Variants in ASTN2 observed in about 807,000 individuals in gnomAD.
ASTN2 encodes astrotactin-2.
A neutral mutation model predicts 139.8 loss-of-function variants in ASTN2; 54 were observed. The ratio of observed to expected loss-of-function variants is 0.39; its 90% confidence interval spans 0.31 to 0.48. The LOEUF (loss-of-function observed/expected upper bound fraction) is 0.48, where lower values mean the gene tolerates loss of function less well. ASTN2 is among the 20% of genes least tolerant of loss of function. The pLI is 0.95. For missense variants in ASTN2, 1,565 were observed against 1,725.1 expected (o/e 0.91, Z 1.64); for synonymous variants, 756 against 719.5 (o/e 1.05, Z -0.81).
At chr9:117,332,562 TCAAA>T (rs546995158) in intron 1 of ASTN2, among the ~76,000 whole-genome samples, 12 of 152,124 alleles carry the variant, frequency 7.9e-5, no homozygotes, top group South Asian at 2.1e-4. Context: ...AGACTCCATC[TCAAA>T]CAAACAAACA....
intron 6 of ASTN2, among the ~76,000 whole-genome samples, chr9:117,035,146 T>C (rs939301595): frequency 3.9e-5 from 6 of 152,128 alleles, no homozygotes; most frequent in Non-Finnish European, 8.8e-5. Flanking sequence ...TGGGGGTGAC[T>C]GAAAAAGGAT....
At chr9:116,843,071 C>T (rs575055112) in intron 11 of ASTN2, among the ~76,000 whole-genome samples, 1 of 152,296 alleles carries the variant, frequency 6.6e-6, no homozygotes, top group Non-Finnish European at 1.5e-5. Context: ...CCTTCAGAGC[C>T]AGCAATCCCA....
At chr9:117,390,072 A>C (rs1830503667) in intron 1 of ASTN2, among the ~76,000 whole-genome samples, 1 of 152,210 alleles carries the variant, frequency 6.6e-6, no homozygotes, top group Non-Finnish European at 1.5e-5. Flanking sequence ...CCACTGGGAG[A>C]GATTACAAAC....
At chr9:116,625,580 A>ACCACAACTTATTCCAT (rs6151137) in intron 17 of ASTN2, among the ~76,000 whole-genome samples, 1 of 151,664 alleles carries the variant, frequency 6.6e-6, no homozygotes, top group Non-Finnish European at 1.5e-5. Flanking sequence ...TTTCTAAAAC[A>ACCACAACTTATTCCAT]CCTCTTGCTT....
At chr9:116,951,512 A>G (rs920787431) in intron 10 of ASTN2, among the ~76,000 whole-genome samples, 10 of 152,132 alleles carry the variant, frequency 6.6e-5, no homozygotes, top group Non-Finnish European at 1.0e-4. Flanking sequence ...CTACAAAGAT[A>G]AAGGAGAGGG....
intron 2 of ASTN2, among the ~76,000 whole-genome samples, chr9:117,243,152 T>C (rs755432982): frequency 3.3e-5 from 5 of 152,216 alleles, no homozygotes; most frequent in Admixed American, 1.3e-4. Flanking sequence ...TCATGTGATA[T>C]GGACAAAGTT....
At chr9:117,056,764 C>A (rs553949578) in intron 5 of ASTN2, among the ~76,000 whole-genome samples, 2 of 152,218 alleles carry the variant, frequency 1.3e-5, no homozygotes, top group Non-Finnish European at 2.9e-5. Flanking sequence ...TACAATCAGA[C>A]AAATAAAGTT....
intron 5 of ASTN2, among the ~76,000 whole-genome samples, chr9:117,061,847 A>G (rs1006959302): frequency 6.6e-6 from 1 of 152,182 alleles, no homozygotes; most frequent in African/African-American, 2.4e-5. Context: ...GAGAGTTGGA[A>G]AAAAATCAAG....
chr9:117,082,686 C>T (rs1564417627), intron 5 of ASTN2, among the ~76,000 whole-genome samples: 1 of 152,164 alleles, frequency 6.6e-6, no homozygotes. Context: ...GCCTGTGGTT[C>T]CAGCTACTCG....
intron 10 of ASTN2, among the ~76,000 whole-genome samples, chr9:116,951,361 A>AAAT: frequency 6.6e-6 from 1 of 150,822 alleles, no homozygotes; most frequent in Non-Finnish European, 1.5e-5. Context: ...AAAAAAAAAA[A>AAAT]AAAAAAGATC....
intron 16 of ASTN2, among the ~76,000 whole-genome samples, chr9:116,704,321 T>C (rs1411181658): frequency 7.5e-6 from 1 of 133,408 alleles, no homozygotes; most frequent in Admixed American, 8.5e-5. Context: ...TTTGTTTACA[T>C]TAGAATAGTA....
At chr9:116,498,172 A>G (rs1042817902) in intron 19 of ASTN2, among the ~76,000 whole-genome samples, 6 of 152,236 alleles carry the variant, frequency 3.9e-5, no homozygotes, top group African/African-American at 9.6e-5. Context: ...ACTACCCAGC[A>G]AAGCTAGAAC....
At chr9:116,474,237 G>A (rs555258333) in intron 20 of ASTN2, among the ~76,000 whole-genome samples, 8 of 152,288 alleles carry the variant, frequency 5.3e-5, no homozygotes, top group South Asian at 2.1e-4. Context: ...AGGCTATAAC[G>A]GAGGTGAAGA....
At chr9:116,443,790 AGT>A (rs1847907660) in intron 20 of ASTN2, among the ~76,000 whole-genome samples, 1 of 152,150 alleles carries the variant, frequency 6.6e-6, no homozygotes, top group African/African-American at 2.4e-5. Flanking sequence ...TAGAGGCAGT[AGT>A]GTGAAGTGGG....
rs571673492 is a variant in ASTN2, at chr9:116,875,093, A to G, written c.1890-11360T>C. On this transcript the variant is annotated intron_variant, in intron 10 of 22. Coordinates refer to ENST00000313400, the MANE Select transcript of ASTN2 (RefSeq NM_001365068.1). The stretch of plus-strand genomic sequence containing the variant: ...TGCAAGGAAATGTCACACATCTCTC[A>G]CTTTAAATCATAAGCTAGAAATGAT... 5.3e-5 allele frequency among the ~76,000 whole-genome samples: 8 copies of G among 152,284 alleles called. No homozygotes were observed. In the East Asian group the frequency reaches 1.3e-3, roughly 26 times the overall value.
intron 17 of ASTN2, among the ~76,000 whole-genome samples, chr9:116,637,795 C>T (rs1449009428): frequency 6.6e-6 from 1 of 152,112 alleles, no homozygotes; most frequent in Non-Finnish European, 1.5e-5. Flanking sequence ...CAAAAATTAT[C>T]CAAGCATGGT....
At chr9:116,602,153 C>A (rs1156383918) in intron 19 of ASTN2, among the ~76,000 whole-genome samples, 1 of 152,084 alleles carries the variant, frequency 6.6e-6, no homozygotes, top group African/African-American at 2.4e-5. Flanking sequence ...ACATAGAGTT[C>A]ACAAATGTTC....
intron 19 of ASTN2, among the ~76,000 whole-genome samples, chr9:116,565,365 CTCTCTCTCTCTCTCTCTCTCTCCATA>C (rs1419066530): frequency 3.8e-5 from 1 of 26,160 alleles, no homozygotes; most frequent in African/African-American, 2.0e-4. Context: ...CTCTCTCTCT[CTCTCTCTCTCTCTCTCTCTCTCCATA>C]TATATATATA....
intron 19 of ASTN2, among the ~76,000 whole-genome samples, chr9:116,538,409 CT>C (rs1290115464): frequency 6.6e-6 from 1 of 152,098 alleles, no homozygotes; most frequent in African/African-American, 2.4e-5. Context: ...ACTAGCACTA[CT>C]GAAAATAAAT....
Sources: gnomAD v4.1 joint callset for allele counts (sites outside exome capture counted in the v4.1 genomes callset) on GRCh38, gnomAD v4.1.1 for gene constraint, MANE v1.5 for transcripts, NCBI Gene and HGNC (gene_info 2026-07-23, HGNC 2026-07-21) for gene names.